The following SIM2 variants were observed in gnomAD, a reference collection of about 807,000 sequenced individuals.
SIM2 encodes single-minded homolog 2.
A neutral mutation model predicts 64.8 loss-of-function variants in SIM2; 28 were observed. That is an observed-to-expected ratio of 0.43 (90% CI 0.32 to 0.59). The LOEUF is 0.59. Among genes scored for constraint, SIM2 ranks in the 20% least tolerant of loss-of-function variants. The pLI, the probability that SIM2 is intolerant of heterozygous loss-of-function variation, is 0.07. For missense variants in SIM2, 847 were observed against 871.4 expected (o/e 0.97, Z 0.35); for synonymous variants, 408 against 391.1 (o/e 1.04, Z -0.51).
Position 36,745,248 on chromosome 21 carries a change from C to T in SIM2, c.1576+112C>T, listed in dbSNP as rs769624132. 6.8e-6 allele frequency: 10 copies of T among 1,470,218 alleles called. No individual in the cohort carries two copies. The highest frequency in any genetic ancestry group is 8.1e-6 in the Non-Finnish European group (9 of 1,107,542). The allele number at this position is 1,470,218 out of a possible 1,614,324, so 91.1% of individuals were successfully genotyped here. On this transcript the variant is annotated intron_variant, in intron 10 of 10. Transcript: ENST00000290399. The surrounding 1 kb of genome is among the most constrained non-coding windows in gnomAD (Gnocchi z 4.8). Reference sequence around the variant, plus strand: ...ACAGAACCCTCACGCTTTGGGCAAACTTGCCCTCTTTCTGCTTCTAAGTAG... The same window carrying T: ...ACAGAACCCTCACGCTTTGGGCAAATTTGCCCTCTTTCTGCTTCTAAGTAG...
rs199788000 is a variant in SIM2 at position 36,745,118 on chromosome 21, C to G, written c.1558C>G (p.Leu520Val). ...EPPANTARHS[L>V]VPSYEAPAAA... ...ACCGGCGAACACTGCTAGGCACAGC[C>G]TGGTGCCAAGCTACGAAGGTGGGTC... The change falls in exon 10 of 11, where the codon CTG (leucine) becomes GTG (valine). Residue 520 changes from leucine to valine, a missense_variant. Physicochemically the swap from Leu to Val is conservative, Grantham distance 32. Transcript: ENST00000290399. This position sits in a 1 kb window ranked among gnomAD's most constrained non-coding sequence, Gnocchi z 4.8. The G allele has an allele frequency of 6.2e-7, 1 of 1,611,464 alleles. No individual in the cohort carries two copies. Among genetic ancestry groups the G allele is most frequent in the African/African-American group, 1.3e-5 (1 of 74,902 alleles).
chr21:36,723,744 T>C (rs991456070), intron 5 of SIM2, among the ~76,000 whole-genome samples: 5 of 152,204 alleles, frequency 3.3e-5, no homozygotes, highest in African/African-American at 1.2e-4. Context: ...GCCCAGCCCA[T>C]GCTCCTCCCT....
rs991142157 is a variant in SIM2, at chr21:36,729,497, C to T, written c.744-1548C>T. Among the ~76,000 whole-genome samples the T allele has an allele frequency of 5.9e-5, 9 of 152,264 alleles. No individual in the cohort carries two copies. The South Asian group carries it at 1.5e-3, about 25-fold the overall frequency. Reference sequence around the variant, plus strand: ...GAAACATGAGGCTCTCCGAGATTTACGACCCAAAGCTTGAGCAGATCTTAA... The same window carrying T: ...GAAACATGAGGCTCTCCGAGATTTATGACCCAAAGCTTGAGCAGATCTTAA... On this transcript the variant is annotated intron_variant, in intron 6 of 10. Coordinates refer to ENST00000290399, the MANE Select transcript of SIM2 (RefSeq NM_005069.6).
At chr21:36,725,469 C>A (rs2088877836) in intron 5 of SIM2, among the ~76,000 whole-genome samples, 1 of 152,198 alleles carries the variant, frequency 6.6e-6, no homozygotes, top group South Asian at 2.1e-4. Context: ...CACTGTGGAA[C>A]AAATGGTTGG....
Position 36,722,203 on chromosome 21 carries a change from T to C in SIM2, c.458-842T>C, listed in dbSNP as rs560551161. 4.6e-5 allele frequency among the ~76,000 whole-genome samples: 7 copies of C among 152,304 alleles called. No homozygotes were observed. The East Asian group carries it at 1.3e-3, about 29-fold the overall frequency. Reference sequence around the variant, plus strand: ...TGGAAATGGCTGGGGCAGGCAGCCATGTTAGAGGGAAGCTTTTTGCCCAAA... The same window carrying C: ...TGGAAATGGCTGGGGCAGGCAGCCACGTTAGAGGGAAGCTTTTTGCCCAAA... On this transcript the variant is annotated intron_variant, in intron 4 of 10. Transcript: ENST00000290399.
At chr21:36,732,285 G>A (rs1267530892) in intron 7 of SIM2, among the ~76,000 whole-genome samples, 1 of 152,234 alleles carries the variant, frequency 6.6e-6, no homozygotes, top group Non-Finnish European at 1.5e-5. Context: ...CCAGTCGGGG[G>A]TGCTTTATAA....
chr21:36,709,444 C>T (rs946102611), intron 2 of SIM2, 194 bp downstream of exon 2: 4 of 697,866 alleles, frequency 5.7e-6, no homozygotes, highest in African/African-American at 1.7e-5. Flanking sequence ...GCCAACCCTA[C>T]CCTAACCCTA....
At position 36,747,874 on chromosome 21, in the gene SIM2, C is replaced by A; in HGVS notation, c.1786C>A (p.Pro596Thr). The A allele has an allele frequency of 1.9e-6, 2 of 1,061,188 alleles. No individual in the cohort carries two copies. Among genetic ancestry groups the A allele is most frequent in the African/African-American group, 1.7e-5 (1 of 57,884 alleles). 65.7% of individuals were successfully genotyped at this position (1,061,188 alleles called of 1,614,324 possible). The change falls in exon 11 of 11, where the codon CCC becomes ACC. Residue 596 changes from proline (P) to threonine (T), a missense_variant. Transcript: ENST00000290399. This position sits in a 1 kb window ranked among gnomAD's most constrained non-coding sequence, Gnocchi z 4.5. The stretch of plus-strand genomic sequence containing the variant: ...GGCCCCGGGCGCGCCGGCGCAGCTG[C>A]CCTTCGTGCTGCTCAACTACCACCG... ...PEAPGAPAQL[P>T]FVLLNYHRVL...
chr21:36,715,061 G>C (rs2088728325), intron 3 of SIM2, among the ~76,000 whole-genome samples: 1 of 152,200 alleles, frequency 6.6e-6, no homozygotes, highest in African/African-American at 2.4e-5. Flanking sequence ...AAGTCAAACT[G>C]ATCATTTGCA....
chr21:36,747,789 C>T lies in SIM2; in HGVS notation c.1701C>T (p.Asp567=). The change falls in exon 11 of 11, where the codon GAC becomes GAT. Residue 567 remains aspartate (D), a synonymous_variant. Transcript: ENST00000290399. This position sits in a 1 kb window ranked among gnomAD's most constrained non-coding sequence, Gnocchi z 4.5. ...PAKAARQAAR[D]GARLALARAA... ...AAGCCGCCCGCCAGGCCGCCCGGGACGGGGCGCGGCTGGCGCTGGCCCGCG... is the reference window on the plus strand; with the variant it reads ...AAGCCGCCCGCCAGGCCGCCCGGGATGGGGCGCGGCTGGCGCTGGCCCGCG... 9.4e-7 allele frequency: 1 copy of T among 1,068,246 alleles called. No individual in the cohort carries two copies. Among genetic ancestry groups the T allele is most frequent in the East Asian group, 6.7e-5 (1 of 14,944 alleles). The allele number at this position is 1,068,246 out of a possible 1,614,324, so 66.2% of individuals were successfully genotyped here.
chr21:36,723,684 A>G (rs774566821), intron 5 of SIM2, among the ~76,000 whole-genome samples: 22 of 152,176 alleles, frequency 1.4e-4, no homozygotes, highest in Non-Finnish European at 2.8e-4. Flanking sequence ...CTAGTCAAGG[A>G]CCAGAGGAGG....
At position 36,720,064 on chromosome 21, in the gene SIM2, TAC is replaced by T. The variant is rs2088804641; in HGVS notation, c.457+143_457+144del. 4.7e-6 allele frequency: 3 copies of T among 644,150 alleles called. No individual in the cohort carries two copies. The South Asian group carries it at 5.2e-5, about 11-fold the overall frequency. The allele number at this position is 644,150 out of a possible 1,614,324, so 39.9% of individuals were successfully genotyped here. A position where few individuals can be genotyped will look rare whatever the true frequency, so the allele number is the denominator to read the frequency against. On this transcript the variant is annotated intron_variant, in intron 4 of 10. Coordinates refer to ENST00000290399, the MANE Select transcript of SIM2 (RefSeq NM_005069.6). ...GACTGCCCAGCCCAGGTCTCTCCAA[TAC>T]ACACACAGCACCCACCACGTGGGGA...
intron 3 of SIM2, among the ~76,000 whole-genome samples, chr21:36,713,170 G>T (rs1463853346): frequency 1.3e-5 from 2 of 152,206 alleles, no homozygotes; most frequent in African/African-American, 4.8e-5. Context: ...TTATATGCTT[G>T]TGATAGAAAC....
At chr21:36,719,319 C>A (rs528862109) in intron 3 of SIM2, among the ~76,000 whole-genome samples, 1 of 152,272 alleles carries the variant, frequency 6.6e-6, no homozygotes, top group African/African-American at 2.4e-5. Context: ...CCTCCTCGGG[C>A]GCAGTGGCGC....
chr21:36,706,164 T>G (rs2088578032), intron 1 of SIM2, among the ~76,000 whole-genome samples: 1 of 152,204 alleles, frequency 6.6e-6, no homozygotes. Flanking sequence ...GGCCGTGCAG[T>G]GTGAGGAACG....
Position 36,744,778 on chromosome 21 carries a change from C to G in SIM2, c.1218C>G (p.Asn406Lys), listed in dbSNP as rs766430136. The change falls in exon 10 of 11, where the codon AAC becomes AAG. Residue 406 changes from asparagine to lysine, a missense_variant. Coordinates refer to ENST00000290399, the MANE Select transcript of SIM2 (RefSeq NM_005069.6). ...AACTGGAATGCGGCCAGCTCGGAAA[C>G]TGGAGAGCCAGTCCCCCTGCAAGCG... Reference protein sequence around the residue: ...MDKLECGQLGNWRASPPASAA... With the variant: ...MDKLECGQLGKWRASPPASAA... 6.8e-6 allele frequency: 11 copies of G among 1,612,948 alleles called. No homozygotes were observed. The highest frequency in any genetic ancestry group is 9.3e-6 in the Non-Finnish European group (11 of 1,179,532).
chr21:36,702,598 T>A lies in SIM2; in HGVS notation c.175+2677T>A, dbSNP rs777979443. 7.9e-5 allele frequency among the ~76,000 whole-genome samples: 12 copies of A among 152,010 alleles called. 1 individual carries two copies. Among genetic ancestry groups the A allele is most frequent in the Non-Finnish European group, 1.6e-4 (11 of 68,018 alleles). ...CTCCATTATGCAAACTGGAGTCCAT[T>A]TATGCAAACTGGTCACCCTTCCAGT... On this transcript the variant is annotated intron_variant, in intron 1 of 10. Coordinates refer to ENST00000290399, the MANE Select transcript of SIM2 (RefSeq NM_005069.6).
chr21:36,704,938 A>T (rs1266804738), intron 1 of SIM2, among the ~76,000 whole-genome samples: 1 of 152,224 alleles, frequency 6.6e-6, no homozygotes, highest in Non-Finnish European at 1.5e-5. Flanking sequence ...ACGCGGGAGA[A>T]GGATTGAAGC....
At chr21:36,701,736 G>A (rs1410643399) in intron 1 of SIM2, among the ~76,000 whole-genome samples, 4 of 152,232 alleles carry the variant, frequency 2.6e-5, no homozygotes, top group Non-Finnish European at 4.4e-5. Flanking sequence ...GAGAACTAGG[G>A]ATGATTCCAC....
Sources: allele counts gnomAD v4.1 joint callset (sites outside exome capture counted in the v4.1 genomes callset), GRCh38; gene constraint gnomAD v4.1.1; non-coding constraint Gnocchi (gnomAD v3.1); transcripts MANE v1.5; gene names NCBI Gene and HGNC (gene_info 2026-07-23, HGNC 2026-07-21).